CASR: variants seen among roughly 807,000 people sequenced by gnomAD.
The protein encoded by CASR is calcium sensing receptor, also known as extracellular calcium-sensing receptor.
Under a neutral mutation model 69.1 loss-of-function variants are expected in CASR, and 23 were observed. The ratio of observed to expected loss-of-function variants is 0.33; its 90% CI spans 0.24 to 0.47. The LOEUF (loss-of-function observed/expected upper bound fraction) is 0.47, where lower values mean the gene tolerates loss of function less well. Among genes scored for constraint, CASR ranks in the 20% least tolerant of loss-of-function variants. The pLI is 1.00. For missense variants in CASR, 924 were observed against 1,356.1 expected, an observed-to-expected ratio of 0.68 and a Z score of 5.00; for synonymous variants, 541 against 544.7, an observed-to-expected ratio of 0.99 and a Z score of 0.10.
intron 1 of CASR, among the ~76,000 whole-genome samples, chr3:122,251,213 A>G (rs1484913908): frequency 6.6e-6 from 1 of 152,240 alleles, no homozygotes; most frequent in Non-Finnish European, 1.5e-5. Context: ...TATGACAATG[A>G]TTAAGAGATT....
intron 1 of CASR, among the ~76,000 whole-genome samples, chr3:122,190,507 C>T (rs1576811786): frequency 6.6e-6 from 1 of 152,166 alleles, no homozygotes; most frequent in African/African-American, 2.4e-5. Flanking sequence ...TGTCCAACCT[C>T]TCTATGCCCC....
chr3:122,262,061 T>G lies in CASR; in HGVS notation c.1026T>G (p.Ser342=). 1.2e-6 allele frequency: 2 copies of G among 1,614,242 alleles called. No homozygotes were observed. Among genetic ancestry groups the G allele is most frequent in the Non-Finnish European group, 1.7e-6 (2 of 1,180,038 alleles). The change falls in exon 4 of 7, where the codon TCT becomes TCG. Residue 342 remains serine, a synonymous_variant. Coordinates refer to ENST00000639785, the MANE Select transcript of CASR (RefSeq NM_000388.4). Reference sequence around the variant, plus strand: ...TGAAGAAGGTCCATCCCAGGAAGTCTGTCCACAATGGTTTTGCCAAGGAGT... The same window carrying G: ...TGAAGAAGGTCCATCCCAGGAAGTCGGTCCACAATGGTTTTGCCAAGGAGT... ...EFLKKVHPRK[S]VHNGFAKEFW... is the part of the protein sequence containing the mutation.
At chr3:122,249,973 C>T (rs1367971522) in intron 1 of CASR, among the ~76,000 whole-genome samples, 1 of 152,216 alleles carries the variant, frequency 6.6e-6, no homozygotes, top group Non-Finnish European at 1.5e-5. Context: ...GTTGTAGCTC[C>T]TTGTTCAAGA....
chr3:122,237,398 C>T (rs933064464), intron 1 of CASR, among the ~76,000 whole-genome samples: 2 of 152,192 alleles, frequency 1.3e-5, no homozygotes, highest in Admixed American at 1.3e-4. Context: ...AGCCACCACA[C>T]CTGGCCGAAG....
intron 2 of CASR, 86 bp downstream of exon 2, chr3:122,254,460 A>G (rs2074532977): frequency 7.5e-7 from 1 of 1,330,844 alleles, no homozygotes; most frequent in Non-Finnish European, 1.1e-6. Context: ...ATTTTTTCAA[A>G]CTTTGTCCTA....
At position 122,249,738 on chromosome 3, in the gene CASR, A is replaced by G. The variant is rs185959626; in HGVS notation, c.-242-4210A>G. On this transcript the variant is annotated intron_variant, in intron 1 of 6. Transcript: ENST00000639785. ...TGCAGGAAGGCAAACATGATTATAT[A>G]TGATTTAAATGGAATAAATGTATAG... Among the ~76,000 whole-genome samples the G allele has an allele frequency of 6.6e-5, 10 of 152,386 alleles. No homozygotes were observed. The East Asian group carries it at 1.9e-3, about 29-fold the overall frequency.
At chr3:122,225,372 A>G (rs2074211969) in intron 1 of CASR, among the ~76,000 whole-genome samples, 1 of 145,972 alleles carries the variant, frequency 6.9e-6, no homozygotes, top group South Asian at 2.2e-4. Flanking sequence ...ACAATTGAAC[A>G]GGAAAAAAAA....
intron 1 of CASR, among the ~76,000 whole-genome samples, chr3:122,240,547 T>C (rs1159265845): frequency 6.6e-6 from 1 of 152,080 alleles, no homozygotes; most frequent in East Asian, 1.9e-4. Context: ...TCAAATATTA[T>C]TAGAGCTAAA....
At chr3:122,245,556 T>C (rs1421077094) in intron 1 of CASR, 10 of 152,078 alleles carry the variant, frequency 6.6e-5, no homozygotes, top group Non-Finnish European at 1.5e-4. Flanking sequence ...ATGGCTTCTT[T>C]AGTGCCAACA....
intron 1 of CASR, among the ~76,000 whole-genome samples, chr3:122,191,630 A>C (rs2073841089): frequency 6.6e-6 from 1 of 152,220 alleles, no homozygotes; most frequent in African/African-American, 2.4e-5. Context: ...AAATACTTGT[A>C]TATAAAAGGT....
In CASR at chr3:122,286,458, C is replaced by T. The variant is rs1485167675; in HGVS notation, c.*1267C>T. The T allele has an allele frequency of 6.6e-6, 1 of 152,204 alleles. No homozygotes were observed. Among genetic ancestry groups the T allele is most frequent in the African/African-American group, 2.4e-5 (1 of 41,452 alleles). The allele number at this position is 152,204 out of a possible 1,614,324, so 9.4% of individuals were successfully genotyped here. ...TAAAGTACTTTAGCCTGGTACCTAG[C>T]ACACAATAAGCATTCAATAAATATT... is the stretch of plus-strand genomic sequence containing the variant. On this transcript the variant is annotated 3_prime_UTR_variant, in exon 7 of 7. Coordinates refer to ENST00000639785, the MANE Select transcript of CASR (RefSeq NM_000388.4).
chr3:122,217,345 C>T (rs1459228070), intron 1 of CASR, among the ~76,000 whole-genome samples: 1 of 152,080 alleles, frequency 6.6e-6, no homozygotes, highest in African/African-American at 2.4e-5. Context: ...AAGCAATCTG[C>T]CTGCCTCGGC....
chr3:122,254,138 G>A lies in CASR; in HGVS notation c.-52G>A. On this transcript the variant is annotated 5_prime_UTR_variant, in exon 2 of 7. Transcript: ENST00000639785. ...TGCTCCAAGGGAGAAACTTCTGGGA[G>A]CCTCCAAACTCCTAGCTGTCTCATC... 6.4e-7 allele frequency: 1 copy of A among 1,574,532 alleles called. No homozygotes were observed. Among genetic ancestry groups the A allele is most frequent in the Non-Finnish European group, 8.7e-7 (1 of 1,146,034 alleles).
At chr3:122,216,879 C>G (rs78164655) in intron 1 of CASR, among the ~76,000 whole-genome samples, 1 of 152,110 alleles carries the variant, frequency 6.6e-6, no homozygotes, top group Non-Finnish European at 1.5e-5. Context: ...GTAATTTTGC[C>G]ATTTGGAATG....
At position 122,262,459 on chromosome 3, in the gene CASR, T is replaced by G. The variant is rs745320706; in HGVS notation, c.1377+47T>G. 1 of 1,563,868 alleles carries G rather than the reference T, an allele frequency of 6.4e-7. No homozygotes were observed. Among genetic ancestry groups the G allele is most frequent in the Non-Finnish European group, 8.7e-7 (1 of 1,144,972 alleles). ...CAATTTGCTGTATAATAAAGCAGAG[T>G]TGGGCTGCAACTCCAGGCAAGAAAA... On this transcript the variant is annotated intron_variant, in intron 4 of 6. Transcript: ENST00000639785.
Position 122,283,894 on chromosome 3 carries a change from A to G in CASR, c.1940A>G (p.Asn647Ser). 1 of 1,613,680 alleles carries G rather than the reference A, an allele frequency of 6.2e-7. No individual in the cohort carries two copies. The highest frequency in any genetic ancestry group is 8.5e-7 in the Non-Finnish European group (1 of 1,179,970). Reference sequence around the variant, plus strand: ...AACACACCCATTGTCAAGGCCACCAACCGAGAGCTCTCCTACCTCCTCCTC... The same window carrying G: ...AACACACCCATTGTCAAGGCCACCAGCCGAGAGCTCTCCTACCTCCTCCTC... Reference protein sequence around the residue: ...FRNTPIVKATNRELSYLLLFS... With the variant: ...FRNTPIVKATSRELSYLLLFS... The change falls in exon 7 of 7, where the codon AAC becomes AGC. Residue 647 changes from asparagine to serine, a missense_variant. Physicochemically the swap from Asn to Ser is conservative, Grantham distance 46. Transcript: ENST00000639785.
At position 122,285,620 on chromosome 3, in the gene CASR, C is replaced by G. The variant is rs202044306; in HGVS notation, c.*429C>G. 4.5e-5 allele frequency: 9 copies of G among 199,626 alleles called. No individual in the cohort carries two copies. Among genetic ancestry groups the G allele is most frequent in the Non-Finnish European group, 8.3e-5 (8 of 95,928 alleles). The allele number at this position is 199,626 out of a possible 1,614,324, so 12.4% of individuals were successfully genotyped here. On this transcript the variant is annotated 3_prime_UTR_variant, in exon 7 of 7. Transcript: ENST00000639785. ...TCACCAGTCCTGCCCAATGCCTTGACAACAGACTGAATTTTAAATGTTCAC... is the reference window on the plus strand; with the variant it reads ...TCACCAGTCCTGCCCAATGCCTTGAGAACAGACTGAATTTTAAATGTTCAC...
chr3:122,232,763 A>G (rs2074291798), intron 1 of CASR, among the ~76,000 whole-genome samples: 2 of 152,146 alleles, frequency 1.3e-5, no homozygotes, highest in East Asian at 1.9e-4. Flanking sequence ...TGACTCTACC[A>G]TCCTGTGATA....
chr3:122,261,438 A>G, intron 3 of CASR, 90 bp from the exon 4 acceptor site: 1 of 1,183,896 alleles, frequency 8.4e-7, no homozygotes, highest in Admixed American at 1.7e-5. Flanking sequence ...AGGCATGCTC[A>G]GAAAGCCACC....
Sources: gnomAD v4.1 joint callset for allele counts (sites outside exome capture counted in the v4.1 genomes callset) on GRCh38, gnomAD v4.1.1 for gene constraint, MANE v1.5 for transcripts, NCBI Gene and HGNC (gene_info 2026-07-23, HGNC 2026-07-21) for gene names.